Variants in PAPPA2 observed in about 807,000 individuals in gnomAD.
The protein encoded by PAPPA2 is pappalysin-2.
PAPPA2 carries 86 observed loss-of-function variants against 176.4 expected under a neutral mutation model. The ratio of observed to expected loss-of-function variants is 0.49; its 90% CI spans 0.41 to 0.58. The LOEUF is 0.58. PAPPA2 is among the 20% of genes least tolerant of loss of function. The pLI, the probability that PAPPA2 is intolerant of heterozygous loss-of-function variation, is 0.00. For synonymous variants in PAPPA2, 809 were observed against 852.2 expected, an observed-to-expected ratio of 0.95 and a Z score of 0.88; for missense variants, 2,073 against 2,256.9, an observed-to-expected ratio of 0.92 and a Z score of 1.65.
intron 1 of PAPPA2, among the ~76,000 whole-genome samples, chr1:176,498,700 A>G (rs1010442720): frequency 1.3e-5 from 2 of 150,874 alleles, no homozygotes; most frequent in African/African-American, 4.9e-5. Flanking sequence ...CAGTGAGCCG[A>G]GATCGCACCA....
At chr1:176,771,721 A>T (rs897411140) in intron 17 of PAPPA2, among the ~76,000 whole-genome samples, 7 of 152,240 alleles carry the variant, frequency 4.6e-5, no homozygotes, top group African/African-American at 1.4e-4. Flanking sequence ...TATTGTTATT[A>T]TATCTTTCTC....
At chr1:176,723,438 C>A (rs1425068783) in intron 12 of PAPPA2, among the ~76,000 whole-genome samples, 1 of 150,716 alleles carries the variant, frequency 6.6e-6, no homozygotes, top group Non-Finnish European at 1.5e-5. Context: ...AATACAACAC[C>A]AAATAATTTA....
At chr1:176,612,930 A>T (rs2102680274) in intron 3 of PAPPA2, among the ~76,000 whole-genome samples, 1 of 152,274 alleles carries the variant, frequency 6.6e-6, no homozygotes, top group Non-Finnish European at 1.5e-5. Flanking sequence ...GCAGACACAA[A>T]CTGAAGAAAG....
chr1:176,784,590 C>CTTTT (rs146840671), intron 17 of PAPPA2, among the ~76,000 whole-genome samples: 2 of 142,338 alleles, frequency 1.4e-5, no homozygotes, highest in Non-Finnish European at 1.5e-5. Flanking sequence ...AGATGATTCT[C>CTTTT]TTTTTTTTTT....
At chr1:176,624,886 G>C (rs1054509390) in intron 3 of PAPPA2, among the ~76,000 whole-genome samples, 8 of 152,216 alleles carry the variant, frequency 5.3e-5, no homozygotes, top group African/African-American at 1.9e-4. Context: ...TTGCAGGGCA[G>C]ATCCCCAGGA....
rs187959746 is a variant in PAPPA2, at chr1:176,698,007, G to T, written c.2747-1093G>T. On this transcript the variant is annotated intron_variant, in intron 7 of 22. Coordinates refer to ENST00000367662, the MANE Select transcript of PAPPA2 (RefSeq NM_020318.3). ...TGTAACACACCACACACACACAGTT[G>T]CACACACATATTTTTGAAATTAATA... 4.4e-3 allele frequency among the ~76,000 whole-genome samples: 673 copies of T among 152,056 alleles called. 1 individual carries two copies. Among genetic ancestry groups the T allele is most frequent in the Non-Finnish European group, 7.1e-3 (485 of 67,962 alleles).
chr1:176,487,090 C>T (rs1164450028), intron 1 of PAPPA2, among the ~76,000 whole-genome samples: 1 of 152,220 alleles, frequency 6.6e-6, no homozygotes, highest in Non-Finnish European at 1.5e-5. Context: ...CTCAGTCCAG[C>T]ACCCTCAGAT....
intron 3 of PAPPA2, among the ~76,000 whole-genome samples, chr1:176,651,900 C>A (rs1355152615): frequency 6.6e-6 from 1 of 150,750 alleles, no homozygotes; most frequent in African/African-American, 2.4e-5. Flanking sequence ...ATTTTTTTTC[C>A]TCTGCTTGCT....
chr1:176,539,648 A>G (rs1650267283), intron 1 of PAPPA2, among the ~76,000 whole-genome samples: 1 of 152,120 alleles, frequency 6.6e-6, no homozygotes, highest in Admixed American at 6.5e-5. Context: ...AAGCTATAGT[A>G]TGCTTTGGGC....
intron 1 of PAPPA2, among the ~76,000 whole-genome samples, chr1:176,494,714 C>T (rs1026425122): frequency 8.5e-5 from 13 of 152,178 alleles, no homozygotes; most frequent in African/African-American, 3.1e-4. Flanking sequence ...ATAACACGGC[C>T]TCCTCATTCG....
At chr1:176,739,541 C>G in intron 12 of PAPPA2, 85 bp from the exon 13 acceptor site, 1 of 1,426,982 alleles carries the variant, frequency 7.0e-7, no homozygotes, top group Non-Finnish European at 9.5e-7. Flanking sequence ...ATAGTGAGCT[C>G]TCTAAGAAGA....
intron 3 of PAPPA2, among the ~76,000 whole-genome samples, chr1:176,665,385 C>T (rs893739646): frequency 1.2e-4 from 18 of 152,246 alleles, no homozygotes; most frequent in African/African-American, 3.9e-4. Context: ...AGATGATTCT[C>T]TGCCCTATTT....
At chr1:176,616,989 G>A (rs1336095941) in intron 3 of PAPPA2, among the ~76,000 whole-genome samples, 2 of 152,166 alleles carry the variant, frequency 1.3e-5, no homozygotes, top group African/African-American at 2.4e-5. Flanking sequence ...GTAATACTGA[G>A]GCAACAAACA....
intron 9 of PAPPA2, 90 bp downstream of exon 9, chr1:176,702,825 A>G: frequency 6.8e-7 from 1 of 1,473,010 alleles, no homozygotes; most frequent in Non-Finnish European, 9.2e-7. Context: ...GAGCAGGGAC[A>G]CTGTTCTCTA....
intron 21 of PAPPA2, among the ~76,000 whole-genome samples, chr1:176,822,868 C>T (rs1666718105): frequency 6.6e-6 from 1 of 152,142 alleles, no homozygotes; most frequent in Non-Finnish European, 1.5e-5. Flanking sequence ...TATTCCCGGT[C>T]AATTCTACTG....
chr1:176,601,576 C>T (rs1654323205), intron 3 of PAPPA2, among the ~76,000 whole-genome samples: 1 of 152,150 alleles, frequency 6.6e-6, no homozygotes, highest in African/African-American at 2.4e-5. Context: ...ACAGACTTAC[C>T]AAGATAAAGG....
intron 1 of PAPPA2, among the ~76,000 whole-genome samples, chr1:176,534,130 A>G (rs1266938374): frequency 5.9e-5 from 9 of 152,352 alleles, no homozygotes; most frequent in African/African-American, 2.2e-4. Context: ...AAGGGCTATT[A>G]TTGGATAGCA....
chr1:176,693,856 T>C (rs1660234169), intron 6 of PAPPA2, among the ~76,000 whole-genome samples: 2 of 152,330 alleles, frequency 1.3e-5, no homozygotes, highest in Middle Eastern at 6.8e-3. Context: ...GCAAGTCCTC[T>C]GTGGGTGTGT....
At chr1:176,621,377 A>C (rs1470590902) in intron 3 of PAPPA2, among the ~76,000 whole-genome samples, 1 of 152,182 alleles carries the variant, frequency 6.6e-6, no homozygotes, top group Non-Finnish European at 1.5e-5. Context: ...GCACAGTGAT[A>C]GACAAACGGG....
Sources: allele counts gnomAD v4.1 joint callset (sites outside exome capture counted in the v4.1 genomes callset), GRCh38; gene constraint gnomAD v4.1.1; transcripts MANE v1.5; gene names NCBI Gene and HGNC (gene_info 2026-07-23, HGNC 2026-07-21).